SLC1A1: variants seen among roughly 807,000 people sequenced by gnomAD.
The protein encoded by SLC1A1 is excitatory amino acid transporter 3.
Under a neutral mutation model 53.3 loss-of-function variants are expected in SLC1A1, and 43 were observed. The observed-to-expected ratio is 0.81, with a 90% CI of 0.63 to 1.04. SLC1A1 has a LOEUF of 1.04. Among genes scored for constraint, SLC1A1 ranks in the 50% least tolerant of loss-of-function variants. The pLI is 0.00. For missense variants in SLC1A1, 748 were observed against 664.9 expected, an observed-to-expected ratio of 1.12 and a Z score of -1.37; for synonymous variants, 307 against 243.2, an observed-to-expected ratio of 1.26 and a Z score of -2.44.
At chr9:4,565,450 G>C (rs1242880951) in intron 4 of SLC1A1, among the ~76,000 whole-genome samples, 1 of 152,192 alleles carries the variant, frequency 6.6e-6, no homozygotes, top group African/African-American at 2.4e-5. Context: ...GAGGCCTCAA[G>C]AAACTTACAA....
intron 1 of SLC1A1, among the ~76,000 whole-genome samples, chr9:4,536,617 T>C (rs1231694468): frequency 1.3e-5 from 2 of 152,196 alleles, no homozygotes; most frequent in African/African-American, 2.4e-5. Flanking sequence ...AGTTCAACCA[T>C]TGTGGAAGTC....
chr9:4,538,524 C>T (rs1816758429), intron 1 of SLC1A1, among the ~76,000 whole-genome samples: 1 of 152,152 alleles, frequency 6.6e-6, no homozygotes, highest in African/African-American at 2.4e-5. Context: ...TTTCCTTTCA[C>T]AGCTGCAATA....
chr9:4,577,797 G>T (rs12378107), intron 10 of SLC1A1, among the ~76,000 whole-genome samples: 1 of 152,080 alleles, frequency 6.6e-6, no homozygotes, highest in Admixed American at 6.5e-5. Flanking sequence ...ACAAAGATAA[G>T]CAGCAATATG....
At chr9:4,552,904 C>A (rs1022874998) in intron 2 of SLC1A1, among the ~76,000 whole-genome samples, 5 of 151,856 alleles carry the variant, frequency 3.3e-5, no homozygotes, top group Admixed American at 6.6e-5. Context: ...GGGCCAATAT[C>A]AGAATTGAGC....
intron 2 of SLC1A1, among the ~76,000 whole-genome samples, chr9:4,552,640 T>A (rs1188118435): frequency 1.3e-5 from 2 of 152,024 alleles, no homozygotes; most frequent in Non-Finnish European, 2.9e-5. Context: ...TAAGTATCCA[T>A]CCTAGAGGGG....
intron 3 of SLC1A1, among the ~76,000 whole-genome samples, chr9:4,563,898 A>G (rs1819225250): frequency 6.6e-6 from 1 of 151,964 alleles, no homozygotes; most frequent in African/African-American, 2.4e-5. Context: ...GTTTTGTATG[A>G]TCCTCAGGAG....
At chr9:4,565,120 T>G (rs558681428) in intron 4 of SLC1A1, among the ~76,000 whole-genome samples, 3 of 152,348 alleles carry the variant, frequency 2.0e-5, no homozygotes, top group African/African-American at 7.2e-5. Context: ...CCAGTTTTTC[T>G]TTTTAATTTC....
chr9:4,494,110 CACTTTCACGGCTT>C lies in SLC1A1; in HGVS notation c.91+3341_91+3353del, dbSNP rs145442322. 6.1e-3 allele frequency among the ~76,000 whole-genome samples: 922 copies of C among 152,282 alleles called. 7 individuals carry two copies. The highest frequency in any genetic ancestry group is 0.02 in the African/African-American group (840 of 41,562). ...TCCTCTGCTAAAATACCACTAGAAA[CACTTTCACGGCTT>C]TCATTACAATTCTTATAGGCTTATT... On this transcript the variant is annotated intron_variant, in intron 1 of 11. Transcript: ENST00000262352.
At chr9:4,565,017 T>C (rs1327976487) in intron 4 of SLC1A1, among the ~76,000 whole-genome samples, 1 of 152,246 alleles carries the variant, frequency 6.6e-6, no homozygotes, top group Non-Finnish European at 1.5e-5. Flanking sequence ...ACAGCCCTTA[T>C]AAATATATCA....
At chr9:4,520,970 G>A (rs1008552242) in intron 1 of SLC1A1, among the ~76,000 whole-genome samples, 1 of 152,154 alleles carries the variant, frequency 6.6e-6, no homozygotes, top group African/African-American at 2.4e-5. Context: ...CCATTCTAAT[G>A]AGTACAAAGT....
At chr9:4,534,324 A>G (rs938699391) in intron 1 of SLC1A1, among the ~76,000 whole-genome samples, 1 of 152,208 alleles carries the variant, frequency 6.6e-6, no homozygotes, top group African/African-American at 2.4e-5. Context: ...CAAGAGTAAT[A>G]AAGAAGAAAA....
chr9:4,576,840 C>T (rs554916480), intron 10 of SLC1A1, 77 bp downstream of exon 10: 2 of 1,251,776 alleles, frequency 1.6e-6, no homozygotes, highest in African/African-American at 1.5e-5. Context: ...TGAAGGGACA[C>T]CAAGAATGTC....
In SLC1A1 at chr9:4,556,892, A is replaced by T. The variant is rs546242594; in HGVS notation, c.233-4557A>T. 3.3e-5 allele frequency among the ~76,000 whole-genome samples: 5 copies of T among 152,190 alleles called. No individual in the cohort carries two copies. Among genetic ancestry groups the T allele is most frequent in the Non-Finnish European group, 7.3e-5 (5 of 68,030 alleles). On this transcript the variant is annotated intron_variant, in intron 2 of 11. Transcript: ENST00000262352. The surrounding 1 kb of genome is among the most constrained non-coding windows in gnomAD (Gnocchi z 4.1). ...GAATTTCAGAGGGGTGGTGATTAGG[A>T]AAACGGCTTTGGGGGGTGGTTTTGC...
At chr9:4,534,799 A>T (rs1487982895) in intron 1 of SLC1A1, among the ~76,000 whole-genome samples, 1 of 152,164 alleles carries the variant, frequency 6.6e-6, no homozygotes, top group Admixed American at 6.5e-5. Context: ...ATCGATGCAA[A>T]AATCCTCAGT....
At chr9:4,541,671 T>G (rs531315378) in intron 1 of SLC1A1, among the ~76,000 whole-genome samples, 5 of 152,254 alleles carry the variant, frequency 3.3e-5, no homozygotes, top group Non-Finnish European at 7.3e-5. Flanking sequence ...TGCCTATTTA[T>G]GTGACTCAGG....
At chr9:4,496,468 C>T (rs914854952) in intron 1 of SLC1A1, among the ~76,000 whole-genome samples, 1 of 152,090 alleles carries the variant, frequency 6.6e-6, no homozygotes, top group African/African-American at 2.4e-5. Context: ...TGTCCTCCTG[C>T]CTCAGCCTCC....
intron 2 of SLC1A1, among the ~76,000 whole-genome samples, chr9:4,561,187 A>T (rs1217028989): frequency 6.6e-6 from 1 of 152,208 alleles, no homozygotes; most frequent in Non-Finnish European, 1.5e-5. Flanking sequence ...GACCAACTCC[A>T]GGAAGATCTG....
chr9:4,545,704 G>C (rs1817435472), intron 2 of SLC1A1, among the ~76,000 whole-genome samples: 1 of 152,184 alleles, frequency 6.6e-6, no homozygotes, highest in Non-Finnish European at 1.5e-5. Flanking sequence ...GAAAAGCCTA[G>C]TATTTTTAAA....
chr9:4,535,796 T>A (rs1033730394), intron 1 of SLC1A1, among the ~76,000 whole-genome samples: 1 of 152,142 alleles, frequency 6.6e-6, no homozygotes, highest in Admixed American at 6.5e-5. Context: ...TCACACTACC[T>A]GACTTCAAAC....
Sources: gnomAD v4.1 joint callset for allele counts (sites outside exome capture counted in the v4.1 genomes callset) on GRCh38, gnomAD v4.1.1 for gene constraint, Gnocchi (gnomAD v3.1) non-coding constraint, MANE v1.5 for transcripts, NCBI Gene and HGNC (gene_info 2026-07-23, HGNC 2026-07-21) for gene names.